ERVW-1: variants seen among roughly 807,000 people sequenced by gnomAD.
The protein encoded by ERVW-1 is endogenous retrovirus group W member 1, envelope.
A neutral mutation model predicts 16.6 loss-of-function variants in ERVW-1; 21 were observed. That is an observed-to-expected ratio of 1.26 (90% CI 0.90 to 1.82). The LOEUF (loss-of-function observed/expected upper bound fraction) is 1.82, where lower values mean the gene tolerates loss of function less well. ERVW-1 is among the 40% of genes most tolerant of loss of function. The pLI is 0.00. For missense variants in ERVW-1, 412 were observed against 300.2 expected (o/e 1.37, Z -2.75); for synonymous variants, 161 against 109.8 (o/e 1.47, Z -2.92).
At chr7:92,475,666 G>A (rs1170508562) in intron 1 of ERVW-1, among the ~76,000 whole-genome samples, 2 of 151,404 alleles carry the variant, frequency 1.3e-5, no homozygotes, top group South Asian at 2.1e-4. Context: ...CCCTTTTCCC[G>A]CCTTTCTTGA....
intron 1 of ERVW-1, chr7:92,472,494 C>G (rs1300670414): frequency 6.6e-6 from 1 of 152,190 alleles, no homozygotes; most frequent in Non-Finnish European, 1.5e-5. Context: ...TAGAGCTATT[C>G]CTGTTTTTTC....
intron 1 of ERVW-1, among the ~76,000 whole-genome samples, chr7:92,473,402 G>T (rs1029220692): frequency 2.6e-5 from 4 of 152,018 alleles, no homozygotes; most frequent in African/African-American, 9.7e-5. Flanking sequence ...GTCTGAGGGG[G>T]TACTGCCTTT....
Position 92,470,122 on chromosome 7 carries a change from CAAT to C in ERVW-1, c.257_259del (p.Tyr86del). ...ACTAGGATTAATCATTTTTCCTGTC[CAAT>C]AATGAGTATTTGCATGCATGCAAAG... is the stretch of plus-strand genomic sequence containing the variant. On this transcript the variant is annotated inframe_deletion, in exon 2 of 2. Coordinates refer to ENST00000603053, the MANE Select transcript of ERVW-1 (RefSeq NM_001130925.2). The C allele has an allele frequency of 1.3e-6, 1 of 778,768 alleles. No individual in the cohort carries two copies. Among genetic ancestry groups the C allele is most frequent in the Non-Finnish European group, 2.4e-6 (1 of 417,944 alleles). The allele number at this position is 778,768 out of a possible 1,614,324, so 48.2% of individuals were successfully genotyped here.
intron 1 of ERVW-1, chr7:92,471,663 G>A: frequency 6.6e-6 from 1 of 152,244 alleles, no homozygotes; most frequent in Non-Finnish European, 1.5e-5. Flanking sequence ...TTCAATATCT[G>A]CTTGGCAGTT....
chr7:92,468,618 C>T lies in ERVW-1; in HGVS notation c.*147G>A. 1 of 560,646 alleles carries T rather than the reference C, an allele frequency of 1.8e-6. No individual in the cohort carries two copies. The highest frequency in any genetic ancestry group is 3.2e-6 in the Non-Finnish European group (1 of 317,102). The allele number at this position is 560,646 out of a possible 1,614,324, so 34.7% of individuals were successfully genotyped here. On this transcript the variant is annotated 3_prime_UTR_variant, in exon 2 of 2. Coordinates refer to ENST00000603053, the MANE Select transcript of ERVW-1 (RefSeq NM_001130925.2). ...GTCAGGTGTGAGCTAAGTTGCAAGCCCCGTGTTTAAAGGTGGATGTGGTCA... is the reference window on the plus strand; with the variant it reads ...GTCAGGTGTGAGCTAAGTTGCAAGCTCCGTGTTTAAAGGTGGATGTGGTCA...
In ERVW-1 at chr7:92,469,937, G is replaced by A. The variant is rs1790265242; in HGVS notation, c.445C>T (p.Leu149=). 2 of 778,212 alleles carry A rather than the reference G, an allele frequency of 2.6e-6. No individual in the cohort carries two copies. Among genetic ancestry groups the A allele is most frequent in the Non-Finnish European group, 4.8e-6 (2 of 417,622 alleles). 48.2% of individuals were successfully genotyped at this position (778,212 alleles called of 1,614,324 possible). A position where few individuals can be genotyped will look rare whatever the true frequency, so the allele number is the denominator to read the frequency against. The part of the protein sequence containing the change: ...VHGTSSPYKG[L]DLSKLHETLR... ...GTTTCATGTAGTTTTGAGAGATCTA[G>A]TCCTTTGTAGGGGCTAGAGGTGCCA... The change falls in exon 2 of 2, where the codon CTA becomes TTA. Residue 149 remains leucine, a synonymous_variant. Coordinates refer to ENST00000603053, the MANE Select transcript of ERVW-1 (RefSeq NM_001130925.2).
intron 1 of ERVW-1, among the ~76,000 whole-genome samples, chr7:92,477,073 C>T (rs1790573334): frequency 6.6e-6 from 1 of 152,164 alleles, no homozygotes; most frequent in African/African-American, 2.4e-5. Flanking sequence ...ACTGTTGAGA[C>T]TTCTGGCTAC....
chr7:92,474,350 G>C (rs1221245920), intron 1 of ERVW-1, among the ~76,000 whole-genome samples: 1 of 152,188 alleles, frequency 6.6e-6, no homozygotes, highest in African/African-American at 2.4e-5. Flanking sequence ...TCAGGTGACA[G>C]AGAGGCACGC....
chr7:92,471,292 G>A (rs986081104), intron 1 of ERVW-1: 13 of 164,430 alleles, frequency 7.9e-5, no homozygotes, highest in African/African-American at 2.9e-4. Context: ...AAGGAGCTTG[G>A]CGATAAGGCA....
At chr7:92,474,951 G>A (rs1790480350) in intron 1 of ERVW-1, 4 of 152,038 alleles carry the variant, frequency 2.6e-5, no homozygotes, top group African/African-American at 7.2e-5. Flanking sequence ...TCTCCTTTTG[G>A]ACCATTTGGG....
At chr7:92,471,037 T>G (rs1470456668) in intron 1 of ERVW-1, 1 of 167,096 alleles carries the variant, frequency 6.0e-6, no homozygotes, top group East Asian at 1.9e-4. Context: ...TGGGTTACTG[T>G]GGCCTGGAAA....
At chr7:92,471,427 T>G (rs187168904) in intron 1 of ERVW-1, 190 of 152,490 alleles carry the variant, frequency 1.2e-3, no homozygotes, top group African/African-American at 4.3e-3. Flanking sequence ...AGTGAAAGGT[T>G]TGATGAAGGG....
chr7:92,477,746 G>A lies in ERVW-1; in HGVS notation c.-592C>T, dbSNP rs1369338432. ...CGCCTCGCTGGATCAGGAGCACAGC[G>A]GACACCCTGCAGGATCCAGAGGGAT... On this transcript the variant is annotated 5_prime_UTR_variant, in exon 1 of 2. Transcript: ENST00000603053. 2 of 178,474 alleles carry A rather than the reference G, an allele frequency of 1.1e-5. No individual in the cohort carries two copies. The highest frequency in any genetic ancestry group is 2.4e-5 in the African/African-American group (1 of 41,788). The allele number at this position is 178,474 out of a possible 1,614,324, so 11.1% of individuals were successfully genotyped here. A position where few individuals can be genotyped will look rare whatever the true frequency, so the allele number is the denominator to read the frequency against.
chr7:92,470,442 C>T lies in ERVW-1; in HGVS notation c.-61G>A, dbSNP rs2115948091. The T allele has an allele frequency of 4.8e-6, 3 of 628,130 alleles. No homozygotes were observed. In the East Asian group the frequency reaches 8.1e-5, roughly 17 times the overall value. 38.9% of individuals were successfully genotyped at this position (628,130 alleles called of 1,614,324 possible). ...GTTGTTTGAAGAGCAGGCGCAAATCCTCTAGAGGTTCACAGGAATAGCTAG... is the reference window on the plus strand; with the variant it reads ...GTTGTTTGAAGAGCAGGCGCAAATCTTCTAGAGGTTCACAGGAATAGCTAG... On this transcript the variant is annotated 5_prime_UTR_variant, in exon 2 of 2. Coordinates refer to ENST00000603053, the MANE Select transcript of ERVW-1 (RefSeq NM_001130925.2).
chr7:92,469,906 C>T lies in ERVW-1; in HGVS notation c.476G>A (p.Arg159His), dbSNP rs145463274. The stretch of plus-strand genomic sequence containing the variant: ...TAGGCTTACCAGGCGAGTATGGGTA[C>T]GGAGGGTTTCATGTAGTTTTGAGAG... ...LDLSKLHETL[R>H]THTRLVSLFN... The change falls in exon 2 of 2, where the codon CGT becomes CAT. Residue 159 changes from arginine (R) to histidine (H), a missense_variant. By Grantham distance (29) the Arg-to-His change is conservative. Transcript: ENST00000603053. 1.6e-4 allele frequency: 123 copies of T among 778,674 alleles called. No homozygotes were observed. Among genetic ancestry groups the T allele is most frequent in the East Asian group, 5.6e-4 (23 of 41,236 alleles). 48.2% of individuals were successfully genotyped at this position (778,674 alleles called of 1,614,324 possible). A position where few individuals can be genotyped will look rare whatever the true frequency, so the allele number is the denominator to read the frequency against.
intron 1 of ERVW-1, among the ~76,000 whole-genome samples, chr7:92,473,501 T>C (rs1790426417): frequency 6.6e-6 from 1 of 152,050 alleles, no homozygotes; most frequent in Non-Finnish European, 1.5e-5. Flanking sequence ...TTGCCCAGAC[T>C]TCAGGATTAA....
At chr7:92,476,645 GTCTCTCTCTCCTC>G (rs1175687527) in intron 1 of ERVW-1, among the ~76,000 whole-genome samples, 1 of 150,352 alleles carries the variant, frequency 6.7e-6, no homozygotes, top group Non-Finnish European at 1.5e-5. Flanking sequence ...CTCTCTCACT[GTCTCTCTCTCCTC>G]TCTGTCTCTC....
chr7:92,477,457 G>C lies in ERVW-1; in HGVS notation c.-303C>G, dbSNP rs1790592394. The C allele has an allele frequency of 6.6e-6, 1 of 152,370 alleles. No individual in the cohort carries two copies. The highest frequency in any genetic ancestry group is 1.5e-5 in the Non-Finnish European group (1 of 68,176). The allele number at this position is 152,370 out of a possible 1,614,324, so 9.4% of individuals were successfully genotyped here. A position where few individuals can be genotyped will look rare whatever the true frequency, so the allele number is the denominator to read the frequency against. Reference sequence around the variant, plus strand: ...CTCACAGAGCTCCCAAGATGGTGGTGAACCACTTCCAAGATGGTAGCAGGC... The same window carrying C: ...CTCACAGAGCTCCCAAGATGGTGGTCAACCACTTCCAAGATGGTAGCAGGC... On this transcript the variant is annotated 5_prime_UTR_variant, in exon 1 of 2. Coordinates refer to ENST00000603053, the MANE Select transcript of ERVW-1 (RefSeq NM_001130925.2).
At chr7:92,477,147 C>G (rs1387170765) in intron 1 of ERVW-1, among the ~76,000 whole-genome samples, 2 of 152,142 alleles carry the variant, frequency 1.3e-5, no homozygotes, top group African/African-American at 4.8e-5. Context: ...CTAGTCGGCC[C>G]TCGGCTTCCC....
Sources: gnomAD v4.1 joint callset for allele counts (sites outside exome capture counted in the v4.1 genomes callset) on GRCh38, gnomAD v4.1.1 for gene constraint, MANE v1.5 for transcripts, NCBI Gene and HGNC (gene_info 2026-07-23, HGNC 2026-07-21) for gene names.